Variants in KAZN observed in about 807,000 individuals in gnomAD.
KAZN encodes kazrin, periplakin interacting protein, also known as kazrin.
A neutral mutation model predicts 87.4 loss-of-function variants in KAZN; 40 were observed. The ratio of observed to expected loss-of-function variants is 0.46; its 90% CI spans 0.36 to 0.60. The LOEUF is 0.60. KAZN is among the 20% of genes least tolerant of loss of function. The pLI is 0.00. For synonymous variants in KAZN, 466 were observed against 458.3 expected (o/e 1.02, Z -0.22); for missense variants, 898 against 1,073.9 (o/e 0.84, Z 2.29).
chr1:14,337,893 CAAAAAA>C (rs34909839), intron 2 of KAZN, among the ~76,000 whole-genome samples: 1 of 100,580 alleles, frequency 9.9e-6, no homozygotes, highest in Non-Finnish European at 2.1e-5. Context: ...GACTCTGTCT[CAAAAAA>C]AAAAAAAAAA....
rs980523896 is a variant in KAZN, at chr1:15,069,857, T to A, written c.1222+4104T>A. On this transcript the variant is annotated intron_variant, in intron 8 of 14. Coordinates refer to ENST00000376030, the MANE Select transcript of KAZN (RefSeq NM_201628.3). The stretch of plus-strand genomic sequence containing the variant: ...CTGCATGACTGTACTCAGTGGCCCG[T>A]CTGTGTGCTCCTCCTACCCACGTTG... Among the ~76,000 whole-genome samples the A allele has an allele frequency of 5.9e-5, 9 of 152,152 alleles. 1 individual carries two copies. Among genetic ancestry groups the A allele is most frequent in the Admixed American group, 3.3e-4 (5 of 15,274 alleles).
intron 1 of KAZN, among the ~76,000 whole-genome samples, chr1:14,722,690 A>C (rs2100298019): frequency 6.6e-6 from 1 of 152,292 alleles, no homozygotes; most frequent in African/African-American, 2.4e-5. Flanking sequence ...GGAAGTCAGC[A>C]GCCCAGTAAA....
chr1:14,294,673 A>C (rs1248951418), intron 2 of KAZN, among the ~76,000 whole-genome samples: 1 of 142,286 alleles, frequency 7.0e-6, no homozygotes, highest in Non-Finnish European at 1.5e-5. Flanking sequence ...GGTTTTTGCC[A>C]GGGAAACTGC....
chr1:14,719,010 T>A (rs373924436), intron 1 of KAZN, among the ~76,000 whole-genome samples: 2 of 152,134 alleles, frequency 1.3e-5, no homozygotes, highest in Admixed American at 1.3e-4. Context: ...TCTCTAAGGG[T>A]GCAGGCTTGG....
chr1:14,156,546 T>C (rs76203596), intron 1 of KAZN, among the ~76,000 whole-genome samples: 4,388 of 152,308 alleles, frequency 0.029, 210 homozygotes, highest in African/African-American at 0.1. Context: ...TTTAAAATTG[T>C]TATATCCTCT....
intron 1 of KAZN, among the ~76,000 whole-genome samples, chr1:13,969,916 A>G (rs1361403438): frequency 1.3e-5 from 2 of 152,250 alleles, no homozygotes; most frequent in Non-Finnish European, 2.9e-5. Flanking sequence ...TGATTCTGTG[A>G]GGTAGGCACC....
At chr1:14,440,929 C>A (rs1460298322) in intron 2 of KAZN, among the ~76,000 whole-genome samples, 1 of 152,214 alleles carries the variant, frequency 6.6e-6, no homozygotes, top group Non-Finnish European at 1.5e-5. Flanking sequence ...CAGCAACCTT[C>A]TTCTCTCCTG....
chr1:14,395,466 T>C (rs1571512225), intron 2 of KAZN, among the ~76,000 whole-genome samples: 1 of 152,056 alleles, frequency 6.6e-6, no homozygotes, highest in East Asian at 1.9e-4. Context: ...GGGCAGAAGG[T>C]AGACGTGGAC....
At chr1:14,060,534 G>A (rs558102151) in intron 1 of KAZN, among the ~76,000 whole-genome samples, 7 of 152,122 alleles carry the variant, frequency 4.6e-5, no homozygotes, top group African/African-American at 1.7e-4. Context: ...TAATTCAAGG[G>A]TTTGTAGAGA....
intron 1 of KAZN, among the ~76,000 whole-genome samples, chr1:14,839,716 G>C (rs1187200977): frequency 6.6e-6 from 1 of 152,090 alleles, no homozygotes; most frequent in Non-Finnish European, 1.5e-5. Context: ...CTTTAAGAAC[G>C]GGGACTATTT....
chr1:14,119,053 C>T (rs1644693906), intron 1 of KAZN, among the ~76,000 whole-genome samples: 1 of 151,526 alleles, frequency 6.6e-6, no homozygotes, highest in South Asian at 2.1e-4. Flanking sequence ...AAAACAAAAA[C>T]AAAAAAAACC....
chr1:15,110,175 ATATG>A (rs1641485041), intron 13 of KAZN, among the ~76,000 whole-genome samples: 1 of 143,826 alleles, frequency 7.0e-6, no homozygotes, highest in Non-Finnish European at 1.5e-5. Flanking sequence ...TTGTGTGTGT[ATATG>A]TGTGTTGTGT....
chr1:14,455,367 C>G (rs1667509506), intron 2 of KAZN, among the ~76,000 whole-genome samples: 1 of 152,142 alleles, frequency 6.6e-6, no homozygotes, highest in Middle Eastern at 3.2e-3. Flanking sequence ...GTCTCACTGT[C>G]TTCAGAATTC....
At chr1:13,949,282 A>G (rs1454125781) in intron 1 of KAZN, among the ~76,000 whole-genome samples, 1 of 150,242 alleles carries the variant, frequency 6.7e-6, no homozygotes, top group African/African-American at 2.5e-5. Flanking sequence ...TTGTTACTGA[A>G]TCATTCCCAA....
chr1:13,894,042 T>TG (rs968923820), intron 1 of KAZN, among the ~76,000 whole-genome samples: 5 of 152,174 alleles, frequency 3.3e-5, no homozygotes, highest in African/African-American at 9.7e-5. Context: ...TGTGGCTAGC[T>TG]GGGGGGTGAA....
At chr1:14,806,270 C>A (rs1450815506) in intron 1 of KAZN, among the ~76,000 whole-genome samples, 1 of 152,224 alleles carries the variant, frequency 6.6e-6, no homozygotes, top group Non-Finnish European at 1.5e-5. Flanking sequence ...GTTCCATCAC[C>A]CCACAGGGGC....
At chr1:14,792,286 G>C (rs1645697203) in intron 1 of KAZN, among the ~76,000 whole-genome samples, 1 of 152,222 alleles carries the variant, frequency 6.6e-6, no homozygotes, top group African/African-American at 2.4e-5. Context: ...CAGGGAGGCA[G>C]ATAAGAATAT....
intron 2 of KAZN, among the ~76,000 whole-genome samples, chr1:14,267,463 G>T (rs1345659614): frequency 6.6e-6 from 1 of 151,896 alleles, no homozygotes; most frequent in African/African-American, 2.4e-5. Flanking sequence ...TGCAGCCCAT[G>T]GGCCAAGGAT....
intron 1 of KAZN, among the ~76,000 whole-genome samples, chr1:14,132,408 G>GT (rs1645010761): frequency 1.3e-5 from 2 of 152,156 alleles, no homozygotes; most frequent in Non-Finnish European, 2.9e-5. Flanking sequence ...AGAAACCACA[G>GT]GTGGGCTGAG....
Sources: allele counts gnomAD v4.1 joint callset (sites outside exome capture counted in the v4.1 genomes callset), GRCh38; gene constraint gnomAD v4.1.1; transcripts MANE v1.5; gene names NCBI Gene and HGNC (gene_info 2026-07-23, HGNC 2026-07-21).